MMD2: variants seen among roughly 807,000 people sequenced by gnomAD.
MMD2 encodes the protein monocyte to macrophage differentiation factor 2.
Under a neutral mutation model 33.5 loss-of-function variants are expected in MMD2, and 30 were observed. The ratio of observed to expected loss-of-function variants is 0.90; its 90% confidence interval spans 0.67 to 1.22. MMD2 has a LOEUF of 1.22. Ranked by LOEUF, MMD2 falls within the 50% of genes most tolerant of loss-of-function variation. The pLI is 0.00. For missense variants in MMD2, 364 were observed against 325.4 expected (o/e 1.12, Z -0.91); for synonymous variants, 129 against 123.0 (o/e 1.05, Z -0.32).
the MMD2 span, among the ~76,000 whole-genome samples, chr7:4,892,963 C>G: frequency 6.6e-6 from 1 of 152,138 alleles, no homozygotes; most frequent in Non-Finnish European, 1.5e-5. Flanking sequence ...ATCCTCACGC[C>G]TCTACCTCCC....
chr7:4,937,000 T>A (rs1785759313), intron 1 of MMD2, among the ~76,000 whole-genome samples: 1 of 151,120 alleles, frequency 6.6e-6, no homozygotes, highest in African/African-American at 2.4e-5. Flanking sequence ...CCTCCCAAAG[T>A]GTTGGAATTA....
chr7:4,906,865 C>T lies in MMD2; in HGVS notation c.*531G>A, dbSNP rs1318671495. The T allele has an allele frequency of 7.2e-6, 2 of 276,920 alleles. No individual in the cohort carries two copies. The highest frequency in any genetic ancestry group is 1.4e-5 in the Non-Finnish European group (2 of 147,482). 17.2% of individuals were successfully genotyped at this position (276,920 alleles called of 1,614,324 possible). On this transcript the variant is annotated 3_prime_UTR_variant, in exon 7 of 7. Transcript: ENST00000401401. Reference sequence around the variant, plus strand: ...AACACTGTGCTGGGAAGAATTCTGACATCACCCATGTGCTGCACTTGATTG... The same window carrying T: ...AACACTGTGCTGGGAAGAATTCTGATATCACCCATGTGCTGCACTTGATTG...
intron 1 of MMD2, among the ~76,000 whole-genome samples, chr7:4,941,427 C>T (rs1785905960): frequency 6.6e-6 from 1 of 152,134 alleles, no homozygotes; most frequent in Non-Finnish European, 1.5e-5. Flanking sequence ...GCCAGGAATT[C>T]AAGACCAGCC....
chr7:4,907,485 A>C lies in MMD2; in HGVS notation c.652T>G (p.Phe218Val). 6.2e-7 allele frequency: 1 copy of C among 1,613,978 alleles called. No homozygotes were observed. The highest frequency in any genetic ancestry group is 8.5e-7 in the Non-Finnish European group (1 of 1,179,902). ...IPFAHAIWHL[F>V]VAFGAGTHYY... ...TGGGTACCAGCACCAAATGCTACAA[A>C]GAGATGCCAGATGGCGTGGGCAAAG... The change falls in exon 7 of 7, where the codon TTT becomes GTT. Residue 218 changes from phenylalanine (F) to valine (V), a missense_variant. Physicochemically the swap from Phe to Val is conservative, Grantham distance 50. Transcript: ENST00000401401.
downstream of MMD2, among the ~76,000 whole-genome samples, chr7:4,903,987 C>T (rs528926581): frequency 6.8e-4 from 104 of 152,294 alleles, no homozygotes; most frequent in African/African-American, 2.2e-3. Context: ...GGCTGGAGTG[C>T]AGTGGTGCAA....
chr7:4,907,431 G>C lies in MMD2; in HGVS notation c.706C>G (p.Leu236Val). The C allele has an allele frequency of 6.2e-7, 1 of 1,613,958 alleles. No homozygotes were observed. The highest frequency in any genetic ancestry group is 1.1e-5 in the South Asian group (1 of 91,072). Residue 236 changes from leucine to valine, a missense_variant, in exon 7 of 7, where the codon CTG becomes GTG. Leu to Val is a conservative substitution (Grantham distance 32). Transcript: ENST00000401401. ...ACCTTGGTCTGCAGGGTGCTGGGCA[G>C]ATAGAGGTACCTCCAGATGGCATAG... Reference protein sequence around the residue: ...HYYAIWRYLYLPSTLQTKVSK With the variant: ...HYYAIWRYLYVPSTLQTKVSK
chr7:4,924,309 T>C (rs573272928), intron 2 of MMD2, among the ~76,000 whole-genome samples: 26 of 152,366 alleles, frequency 1.7e-4, no homozygotes, highest in East Asian at 3.9e-4. Context: ...CGGTGGCCCA[T>C]TGTTAAAGGC....
intron 1 of MMD2, among the ~76,000 whole-genome samples, chr7:4,926,952 G>T (rs1477243594): frequency 6.6e-6 from 1 of 151,464 alleles, no homozygotes; most frequent in Non-Finnish European, 1.5e-5. Context: ...CACTGTTTTA[G>T]CCAGGATGGT....
intron 1 of MMD2, among the ~76,000 whole-genome samples, chr7:4,951,180 C>A (rs996719949): frequency 7.2e-5 from 11 of 152,086 alleles, no homozygotes; most frequent in African/African-American, 2.7e-4. Flanking sequence ...TCCTTGGAAT[C>A]CCAAGAAAGC....
At chr7:4,911,987 T>C (rs1785026269) in intron 4 of MMD2, among the ~76,000 whole-genome samples, 1 of 151,982 alleles carries the variant, frequency 6.6e-6, no homozygotes, top group South Asian at 2.1e-4. Context: ...GACAGGGTCT[T>C]GCTACTTGAG....
chr7:4,954,365 A>G (rs1028449492), intron 1 of MMD2, among the ~76,000 whole-genome samples: 2 of 152,072 alleles, frequency 1.3e-5, no homozygotes, highest in African/African-American at 4.8e-5. Context: ...TGTCCTTTGC[A>G]CTGTGGCTTG....
chr7:4,939,766 A>C (rs1269648706), intron 1 of MMD2, among the ~76,000 whole-genome samples: 1 of 145,898 alleles, frequency 6.9e-6, no homozygotes, highest in Non-Finnish European at 1.5e-5. Flanking sequence ...TTTGAGATGG[A>C]GTCCTGCGCT....
intron 4 of MMD2, 61 bp downstream of exon 4, chr7:4,915,943 TA>T: frequency 6.5e-7 from 1 of 1,538,532 alleles, no homozygotes; most frequent in Non-Finnish European, 9.0e-7. Flanking sequence ...AATAGAAAAA[TA>T]AATTCAAACA....
At chr7:4,905,333 GAGA>G (rs749349807), downstream of MMD2, among the ~76,000 whole-genome samples, 64 of 149,932 alleles carry the variant, frequency 4.3e-4, no homozygotes, top group African/African-American at 8.6e-4. This position sits in a 1 kb window ranked among gnomAD's most constrained non-coding sequence, Gnocchi z 5.0. Flanking sequence ...AAGCAGCAAT[GAGA>G]AGAAGAAGAG....
intron 1 of MMD2, among the ~76,000 whole-genome samples, chr7:4,939,818 G>A (rs1427470345): frequency 6.6e-6 from 1 of 150,632 alleles, no homozygotes; most frequent in Non-Finnish European, 1.5e-5. Context: ...TCGGCTCACT[G>A]CAACCTCTGC....
At chr7:4,935,408 G>A (rs1173276921) in intron 1 of MMD2, among the ~76,000 whole-genome samples, 3 of 151,666 alleles carry the variant, frequency 2.0e-5, no homozygotes, top group Non-Finnish European at 4.4e-5. Context: ...CAGTTTATTC[G>A]GTCTGGGGTA....
rs778147728 is a variant in MMD2, at chr7:4,907,441, C to A, written c.696G>T (p.Arg232Ser). 8.1e-6 allele frequency: 13 copies of A among 1,613,950 alleles called. No homozygotes were observed. The highest frequency in any genetic ancestry group is 2.2e-5 in the East Asian group (1 of 44,870). ...GAGTHYYAIW[R>S]YLYLPSTLQT... The stretch of plus-strand genomic sequence containing the variant: ...GCAGGGTGCTGGGCAGATAGAGGTA[C>A]CTCCAGATGGCATAGTAGTGGGTAC... Residue 232 changes from arginine to serine, a missense_variant, in exon 7 of 7, where the codon AGG becomes AGT. Transcript: ENST00000401401.
chr7:4,929,156 C>T (rs568004708), intron 1 of MMD2, among the ~76,000 whole-genome samples: 2 of 152,148 alleles, frequency 1.3e-5, no homozygotes, highest in South Asian at 2.1e-4. Flanking sequence ...CGGGTGACTG[C>T]TCTCTGCCTG....
chr7:4,949,936 A>C (rs1316114737), intron 1 of MMD2, among the ~76,000 whole-genome samples: 1 of 152,182 alleles, frequency 6.6e-6, no homozygotes, highest in Admixed American at 6.6e-5. Context: ...TCTCACATTT[A>C]ACAAATGACC....
Sources: gnomAD v4.1 joint callset for allele counts (sites outside exome capture counted in the v4.1 genomes callset) on GRCh38, gnomAD v4.1.1 for gene constraint, Gnocchi (gnomAD v3.1) non-coding constraint, MANE v1.5 for transcripts, NCBI Gene and HGNC (gene_info 2026-07-23, HGNC 2026-07-21) for gene names.